CDH4: variants seen among roughly 807,000 people sequenced by gnomAD.
The protein encoded by CDH4 is cadherin 4, also known as cadherin-4.
In CDH4, 33 loss-of-function variants were observed where a neutral mutation model predicts 86.0. The observed-to-expected ratio is 0.38, with a 90% CI of 0.29 to 0.51. The LOEUF (loss-of-function observed/expected upper bound fraction) is 0.51. Among genes scored for constraint, CDH4 ranks in the 20% least tolerant of loss-of-function variants. The pLI is 0.86. For missense variants in CDH4, 1,114 were observed against 1,307.4 expected (o/e 0.85, Z 2.28); for synonymous variants, 555 against 549.4 (o/e 1.01, Z -0.14).
Position 61,759,013 on chromosome 20 carries a change from GTA to G in CDH4, c.397-13986_397-13985del, listed in dbSNP as rs530047868. 2.8e-4 allele frequency among the ~76,000 whole-genome samples: 43 copies of G among 152,350 alleles called. No homozygotes were observed. In the South Asian group the frequency reaches 8.1e-3, roughly 29 times the overall value. On this transcript the variant is annotated intron_variant, in intron 3 of 15. Coordinates refer to ENST00000614565, the MANE Select transcript of CDH4 (RefSeq NM_001794.5). ...TGTGCACGTGTATGCCCACTTGTGAGTATATGTGTGTGCACATGTGTGCGTTC... is the reference window on the plus strand; with the variant it reads ...TGTGCACGTGTATGCCCACTTGTGAGTATGTGTGTGCACATGTGTGCGTTC...
At position 61,269,478 on chromosome 20, in the gene CDH4, A is replaced by G. The variant is rs991772238; in HGVS notation, c.169+14541A>G. Among the ~76,000 whole-genome samples, 16 of 152,074 alleles carry G rather than the reference A, an allele frequency of 1.1e-4. No homozygotes were observed. Among genetic ancestry groups the G allele is most frequent in the Non-Finnish European group, 1.9e-4 (13 of 68,016 alleles). On this transcript the variant is annotated intron_variant, in intron 2 of 15. Transcript: ENST00000614565. The surrounding 1 kb of genome is among the most constrained non-coding windows in gnomAD (Gnocchi z 5.3). Reference sequence around the variant, plus strand: ...CCTACCTCCATAGGAGGGAGATGCCAGGTCCATCTCATGAGGGCCTGGAAG... The same window carrying G: ...CCTACCTCCATAGGAGGGAGATGCCGGGTCCATCTCATGAGGGCCTGGAAG...
rs568260580 is a variant in CDH4 at position 61,703,570 on chromosome 20, C to T, written c.170-39993C>T. Among the ~76,000 whole-genome samples the T allele has an allele frequency of 6.6e-6, 1 of 152,204 alleles. No homozygotes were observed. Among genetic ancestry groups the T allele is most frequent in the African/African-American group, 2.4e-5 (1 of 41,450 alleles). On this transcript the variant is annotated intron_variant, in intron 2 of 15. Coordinates refer to ENST00000614565, the MANE Select transcript of CDH4 (RefSeq NM_001794.5). This position sits in a 1 kb window ranked among gnomAD's most constrained non-coding sequence, Gnocchi z 4.3. Reference sequence around the variant, plus strand: ...TGTGGGGATCAAAGCTCCTCGTCCCCAGCTTGTGTCCCTTCCCCGTCGCAC... The same window carrying T: ...TGTGGGGATCAAAGCTCCTCGTCCCTAGCTTGTGTCCCTTCCCCGTCGCAC...
At chr20:61,633,351 A>G (rs978110954) in intron 2 of CDH4, among the ~76,000 whole-genome samples, 4 of 151,760 alleles carry the variant, frequency 2.6e-5, no homozygotes, top group African/African-American at 7.3e-5. Flanking sequence ...TCATTCATTC[A>G]TCCATCCATC....
chr20:61,376,645 C>T (rs1200094655), intron 2 of CDH4, among the ~76,000 whole-genome samples: 1 of 152,198 alleles, frequency 6.6e-6, no homozygotes, highest in South Asian at 2.1e-4. Flanking sequence ...ACTGAGCATT[C>T]TCCCCCATGG....
intron 8 of CDH4, among the ~76,000 whole-genome samples, chr20:61,905,002 C>T (rs6061886): frequency 0.03 from 4,638 of 152,290 alleles, 236 homozygotes; most frequent in African/African-American, 0.1. Context: ...GTTTCTGCCT[C>T]AGAGCTGGGA....
intron 2 of CDH4, among the ~76,000 whole-genome samples, chr20:61,535,292 A>G (rs8125441): frequency 0.21 from 31,401 of 152,176 alleles, 4,111 homozygotes; most frequent in East Asian, 0.45. Flanking sequence ...ACAGTGGGGC[A>G]GGCTGAGTCA....
chr20:61,347,794 T>C (rs960332145), intron 2 of CDH4, among the ~76,000 whole-genome samples: 1 of 152,212 alleles, frequency 6.6e-6, no homozygotes, highest in African/African-American at 2.4e-5. Flanking sequence ...GCACGGGACA[T>C]TGGTCTCTTC....
At chr20:61,439,768 G>C (rs1010283865) in intron 2 of CDH4, among the ~76,000 whole-genome samples, 13 of 152,260 alleles carry the variant, frequency 8.5e-5, no homozygotes, top group African/African-American at 3.1e-4. Context: ...CAAATACAGA[G>C]GGGTAGGATT....
At chr20:61,697,079 C>T (rs2087722151) in intron 2 of CDH4, among the ~76,000 whole-genome samples, 1 of 152,200 alleles carries the variant, frequency 6.6e-6, no homozygotes, top group East Asian at 1.9e-4. Context: ...ACCTTGATCT[C>T]AGACTTCTGA....
chr20:61,936,618 C>G (rs577277245), intron 15 of CDH4, 119 bp from the exon 16 acceptor site: 6 of 706,702 alleles, frequency 8.5e-6, no homozygotes, highest in Non-Finnish European at 1.3e-5. Flanking sequence ...TATTGGACAC[C>G]TACTTTATGC....
intron 2 of CDH4, among the ~76,000 whole-genome samples, chr20:61,388,656 GTAT>G (rs1043575123): frequency 1.3e-5 from 2 of 152,184 alleles, no homozygotes; most frequent in African/African-American, 4.8e-5. Context: ...GGGGTACTCT[GTAT>G]TGTGCTACAG....
At chr20:61,631,196 G>T (rs985297111) in intron 2 of CDH4, among the ~76,000 whole-genome samples, 8 of 152,338 alleles carry the variant, frequency 5.3e-5, no homozygotes, top group African/African-American at 1.9e-4. Context: ...GGAGGCCCCT[G>T]ACTCTCCCAC....
chr20:61,773,273 G>C lies in CDH4; in HGVS notation c.576+91G>C, dbSNP rs1405269055. On this transcript the variant is annotated intron_variant, in intron 4 of 15. Transcript: ENST00000614565. ...TCCCAAAGCCAGGGGCGGGTTCCGC[G>C]TTTGGTGTCTGAGAAGGTCGCGATT... 9 of 1,280,820 alleles carry C rather than the reference G, an allele frequency of 7.0e-6. No homozygotes were observed. The East Asian group carries it at 2.3e-4, about 33-fold the overall frequency. The allele number at this position is 1,280,820 out of a possible 1,614,324, so 79.3% of individuals were successfully genotyped here. A position where few individuals can be genotyped will look rare whatever the true frequency, so the allele number is the denominator to read the frequency against.
At chr20:61,293,886 G>A (rs781293652) in intron 2 of CDH4, among the ~76,000 whole-genome samples, 1 of 152,194 alleles carries the variant, frequency 6.6e-6, no homozygotes, top group Admixed American at 6.5e-5. Context: ...GAACTGTTCG[G>A]CAGTGCCGGG....
intron 11 of CDH4, among the ~76,000 whole-genome samples, chr20:61,927,895 C>G (rs1389791109): frequency 1.3e-5 from 2 of 152,034 alleles, no homozygotes; most frequent in Non-Finnish European, 2.9e-5. Context: ...TGCGTGTGTG[C>G]AGCTGCGGGT....
At chr20:61,724,547 C>G (rs1259160989) in intron 2 of CDH4, among the ~76,000 whole-genome samples, 1 of 152,224 alleles carries the variant, frequency 6.6e-6, no homozygotes, top group Non-Finnish European at 1.5e-5. Flanking sequence ...AAAGGCCCTT[C>G]CAGACAGAAG....
At chr20:61,906,707 G>T (rs960074384) in intron 8 of CDH4, among the ~76,000 whole-genome samples, 2 of 152,114 alleles carry the variant, frequency 1.3e-5, no homozygotes, top group African/African-American at 4.8e-5. Flanking sequence ...AGAGGGAATG[G>T]CCCGGGGCCA....
intron 2 of CDH4, among the ~76,000 whole-genome samples, chr20:61,552,942 C>T (rs2145675653): frequency 6.6e-6 from 1 of 152,176 alleles, no homozygotes; most frequent in East Asian, 1.9e-4. Flanking sequence ...AAATGTGACT[C>T]CTAGGGATCT....
Position 61,331,855 on chromosome 20 carries a change from C to T in CDH4, c.169+76918C>T, listed in dbSNP as rs906714969. Among the ~76,000 whole-genome samples the T allele has an allele frequency of 5.3e-5, 8 of 152,244 alleles. No individual in the cohort carries two copies. The South Asian group carries it at 1.5e-3, about 28-fold the overall frequency. On this transcript the variant is annotated intron_variant, in intron 2 of 15. Transcript: ENST00000614565. ...CTTCCCCTGGACCGCAAGCCCTTGCCGCCGTCCTTGGTGCTGAACGGTGCC... is the reference window on the plus strand; with the variant it reads ...CTTCCCCTGGACCGCAAGCCCTTGCTGCCGTCCTTGGTGCTGAACGGTGCC...
Sources: allele counts gnomAD v4.1 joint callset (sites outside exome capture counted in the v4.1 genomes callset), GRCh38; gene constraint gnomAD v4.1.1; non-coding constraint Gnocchi (gnomAD v3.1); transcripts MANE v1.5; gene names NCBI Gene and HGNC (gene_info 2026-07-23, HGNC 2026-07-21).